The following APBA2 variants were observed in gnomAD, a reference collection of about 807,000 sequenced individuals.
APBA2 encodes the protein amyloid beta precursor protein binding family A member 2, also known as amyloid-beta A4 precursor protein-binding family A member 2.
Under a neutral mutation model 75.0 loss-of-function variants are expected in APBA2, and 30 were observed. The observed-to-expected ratio is 0.40, with a 90% CI of 0.30 to 0.54. The LOEUF is 0.54. APBA2 is among the 20% of genes least tolerant of loss of function. The probability of loss-of-function intolerance (pLI) is 0.49; values close to 1 mark genes in which losing one functional copy is unlikely to be tolerated. For missense variants in APBA2, 801 were observed against 1,016.1 expected, an observed-to-expected ratio of 0.79 and a Z score of 2.88; for synonymous variants, 444 against 409.6, an observed-to-expected ratio of 1.08 and a Z score of -1.01.
At chr15:29,067,152 C>T (rs894969858) in intron 4 of APBA2, among the ~76,000 whole-genome samples, 1 of 152,180 alleles carries the variant, frequency 6.6e-6, no homozygotes, top group Non-Finnish European at 1.5e-5. Flanking sequence ...GGATGGCCCA[C>T]ATCATTCATG....
At position 28,918,828 on chromosome 15, in the gene APBA2, G is replaced by C. The variant is rs911426817; in HGVS notation, c.-204-2812G>C. 3.3e-5 allele frequency among the ~76,000 whole-genome samples: 5 copies of C among 152,146 alleles called. No individual in the cohort carries two copies. The highest frequency in any genetic ancestry group is 9.7e-5 in the African/African-American group (4 of 41,440). On this transcript the variant is annotated intron_variant, in intron 1 of 14. Coordinates refer to ENST00000683413, the MANE Select transcript of APBA2 (RefSeq NM_001353788.2). The surrounding 1 kb of genome is among the most constrained non-coding windows in gnomAD (Gnocchi z 4.2). ...TCCCGCCCACTCACTGCGAGGCTGGGCAGGGCCGCTTGCCAGTTAATTGTG... is the reference window on the plus strand; with the variant it reads ...TCCCGCCCACTCACTGCGAGGCTGGCCAGGGCCGCTTGCCAGTTAATTGTG...
At chr15:28,977,514 T>C (rs2037401213) in intron 2 of APBA2, 1 of 152,080 alleles carries the variant, frequency 6.6e-6, no homozygotes, top group South Asian at 2.1e-4. Flanking sequence ...ATGACTGGGG[T>C]TGGCTGAGAT....
At position 29,005,982 on chromosome 15, in the gene APBA2, T is replaced by C. The variant is rs2039094659; in HGVS notation, c.-41+10176T>C. On this transcript the variant is annotated intron_variant, in intron 3 of 14. Transcript: ENST00000683413. The stretch of plus-strand genomic sequence containing the variant: ...AGCCACCAGCCAACAGCATACCCAG[T>C]GGTGAAAAATTGCAAAGGCTTTTCC... Among the ~76,000 whole-genome samples, 3 of 152,166 alleles carry C rather than the reference T, an allele frequency of 2.0e-5. No individual in the cohort carries two copies. The South Asian group carries it at 6.2e-4, about 32-fold the overall frequency.
intron 2 of APBA2, among the ~76,000 whole-genome samples, chr15:28,937,063 C>G (rs974581467): frequency 2.0e-5 from 3 of 152,208 alleles, no homozygotes; most frequent in African/African-American, 4.8e-5. Context: ...CTTCCTGGCT[C>G]TACCTCCAGG....
At chr15:29,031,023 G>T (rs1389861305) in intron 3 of APBA2, among the ~76,000 whole-genome samples, 2 of 151,726 alleles carry the variant, frequency 1.3e-5, no homozygotes, top group South Asian at 4.2e-4. Flanking sequence ...TTATGCCTTT[G>T]CATACTTTGT....
intron 2 of APBA2, among the ~76,000 whole-genome samples, chr15:28,926,857 CTTT>C (rs1183331218): frequency 7.9e-6 from 1 of 126,748 alleles, no homozygotes; most frequent in Non-Finnish European, 1.6e-5. Flanking sequence ...CTCTCTCTCT[CTTT>C]TTTTTTTTTT....
At chr15:28,987,753 T>TATA (rs1479386386) in intron 2 of APBA2, among the ~76,000 whole-genome samples, 3 of 136,486 alleles carry the variant, frequency 2.2e-5, no homozygotes, top group South Asian at 2.6e-4. Flanking sequence ...TATATATATA[T>TATA]TCTTTTTTTT....
chr15:29,021,199 A>C (rs756182079), intron 3 of APBA2, among the ~76,000 whole-genome samples: 9 of 152,162 alleles, frequency 5.9e-5, no homozygotes, highest in Non-Finnish European at 1.5e-5. Flanking sequence ...AAAGGAATTA[A>C]TTTTATGGTG....
chr15:28,990,111 G>A (rs753535434), intron 2 of APBA2, among the ~76,000 whole-genome samples: 2 of 152,232 alleles, frequency 1.3e-5, no homozygotes, highest in African/African-American at 4.8e-5. Flanking sequence ...AAGAGGGCAC[G>A]TTTAGTGTCA....
In APBA2 at chr15:29,114,031, T is replaced by G. The variant is rs375462595; in HGVS notation, c.2178+15T>G. The G allele has an allele frequency of 6.2e-6, 10 of 1,613,566 alleles. No individual in the cohort carries two copies. Among genetic ancestry groups the G allele is most frequent in the Non-Finnish European group, 7.6e-6 (9 of 1,180,044 alleles). The stretch of plus-strand genomic sequence containing the variant: ...CGGTCGGAGAGGTAAGGAGGGACTT[T>G]GAGTGTGCCTCTGCATGCCGGTTCC... On this transcript the variant is annotated intron_variant, in intron 14 of 14. Transcript: ENST00000683413.
In APBA2 at chr15:29,117,260, G is replaced by C; in HGVS notation, c.*127G>C. On this transcript the variant is annotated 3_prime_UTR_variant, in exon 15 of 15. Coordinates refer to ENST00000683413, the MANE Select transcript of APBA2 (RefSeq NM_001353788.2). Reference sequence around the variant, plus strand: ...AGCCACGGACGCTGGCTCCCCAAAGGGTGTGCCCTCACCACCCACTTGATT... The same window carrying C: ...AGCCACGGACGCTGGCTCCCCAAAGCGTGTGCCCTCACCACCCACTTGATT... 1 of 837,048 alleles carries C rather than the reference G, an allele frequency of 1.2e-6. No homozygotes were observed. Among genetic ancestry groups the C allele is most frequent in the East Asian group, 2.6e-5 (1 of 38,954 alleles). 51.9% of individuals were successfully genotyped at this position (837,048 alleles called of 1,614,324 possible).
intron 2 of APBA2, among the ~76,000 whole-genome samples, chr15:28,975,955 C>T (rs1433210739): frequency 6.6e-6 from 1 of 152,228 alleles, no homozygotes; most frequent in Non-Finnish European, 1.5e-5. Flanking sequence ...TGCATAGACC[C>T]TGACTCAGCC....
intron 3 of APBA2, among the ~76,000 whole-genome samples, chr15:29,044,605 C>T (rs189139027): frequency 1.3e-5 from 2 of 152,052 alleles, no homozygotes; most frequent in South Asian, 2.1e-4. Context: ...GGCCACACCC[C>T]CCCTGGGCTC....
intron 3 of APBA2, among the ~76,000 whole-genome samples, chr15:29,014,365 C>A (rs1025872685): frequency 1.3e-5 from 2 of 152,210 alleles, no homozygotes; most frequent in Non-Finnish European, 2.9e-5. Context: ...CAAACTTATT[C>A]TTACCGAATT....
intron 3 of APBA2, among the ~76,000 whole-genome samples, chr15:28,998,784 C>T (rs1312601042): frequency 6.6e-6 from 1 of 152,156 alleles, no homozygotes; most frequent in Non-Finnish European, 1.5e-5. Context: ...TGGTTGGCCA[C>T]ATAGGAAAAG....
chr15:29,061,911 G>A (rs1397371649), intron 4 of APBA2, among the ~76,000 whole-genome samples: 1 of 152,132 alleles, frequency 6.6e-6, no homozygotes. Context: ...GCACCCAGGC[G>A]CCCCCCCTCC....
Position 29,046,850 on chromosome 15 carries a change from A to G in APBA2, c.-40-6995A>G, listed in dbSNP as rs2041359924. On this transcript the variant is annotated intron_variant, in intron 3 of 14. Transcript: ENST00000683413. This position sits in a 1 kb window ranked among gnomAD's most constrained non-coding sequence, Gnocchi z 5.0. Reference sequence around the variant, plus strand: ...TGCATACATAGCCAGGGACAGTGTCATCTGGCCACAGCCACTCCCAGCCAC... The same window carrying G: ...TGCATACATAGCCAGGGACAGTGTCGTCTGGCCACAGCCACTCCCAGCCAC... Among the ~76,000 whole-genome samples, 2 of 152,364 alleles carry G rather than the reference A, an allele frequency of 1.3e-5. 1 individual carries two copies.
intron 2 of APBA2, among the ~76,000 whole-genome samples, chr15:28,972,801 C>T (rs1392082644): frequency 6.6e-6 from 1 of 152,184 alleles, no homozygotes; most frequent in Non-Finnish European, 1.5e-5. Flanking sequence ...ATAAAACTGA[C>T]TGAAAGTCCG....
chr15:29,079,513 G>C (rs944681841), intron 6 of APBA2, among the ~76,000 whole-genome samples: 1 of 152,184 alleles, frequency 6.6e-6, no homozygotes, highest in Non-Finnish European at 1.5e-5. Flanking sequence ...CACATGACCA[G>C]CCTCTCAGAT....
Sources: allele counts gnomAD v4.1 joint callset (sites outside exome capture counted in the v4.1 genomes callset), GRCh38; gene constraint gnomAD v4.1.1; non-coding constraint Gnocchi (gnomAD v3.1); transcripts MANE v1.5; gene names NCBI Gene and HGNC (gene_info 2026-07-23, HGNC 2026-07-21).